PTPRD: variants seen among roughly 807,000 people sequenced by gnomAD.
The protein encoded by PTPRD is protein tyrosine phosphatase receptor type D, also known as receptor-type tyrosine-protein phosphatase delta.
PTPRD carries 34 observed loss-of-function variants against 214.5 expected under a neutral mutation model. The ratio of observed to expected loss-of-function variants is 0.16; its 90% CI spans 0.12 to 0.21. The LOEUF (loss-of-function observed/expected upper bound fraction) is 0.21. PTPRD is among the 10% of genes least tolerant of loss of function. PTPRD has a pLI of 1.00. For synonymous variants in PTPRD, 1,128 were observed against 845.7 expected, an observed-to-expected ratio of 1.33 and a Z score of -5.79; for missense variants, 2,545 against 2,398.7, an observed-to-expected ratio of 1.06 and a Z score of -1.27.
chr9:10,507,825 A>G (rs1011477010), intron 2 of PTPRD, among the ~76,000 whole-genome samples: 4 of 152,220 alleles, frequency 2.6e-5, no homozygotes, highest in African/African-American at 4.8e-5. Context: ...CTTAAATGTT[A>G]GACCTAAAAC....
intron 3 of PTPRD, among the ~76,000 whole-genome samples, chr9:10,188,122 A>C (rs1274613347): frequency 6.6e-6 from 1 of 152,146 alleles, no homozygotes; most frequent in African/African-American, 2.4e-5. Flanking sequence ...TTTCATGCTA[A>C]AGTCATTTCA....
chr9:9,568,507 CTCT>C (rs2085305977), intron 8 of PTPRD, among the ~76,000 whole-genome samples: 1 of 151,846 alleles, frequency 6.6e-6, no homozygotes, highest in Non-Finnish European at 1.5e-5. Flanking sequence ...AAAATATGGA[CTCT>C]TATTTCCAGC....
At chr9:9,125,450 C>T (rs1364721966) in intron 10 of PTPRD, among the ~76,000 whole-genome samples, 2 of 152,108 alleles carry the variant, frequency 1.3e-5, no homozygotes, top group Non-Finnish European at 2.9e-5. Flanking sequence ...CCCACAGTAC[C>T]TGTGCTTACC....
intron 39 of PTPRD, among the ~76,000 whole-genome samples, chr9:8,348,934 T>C (rs866370113): frequency 2.6e-5 from 4 of 152,170 alleles, no homozygotes; most frequent in Admixed American, 6.6e-5. Context: ...TTATTATCCT[T>C]ATGCCAGTTG....
chr9:10,537,177 C>T (rs2058021099), intron 2 of PTPRD, among the ~76,000 whole-genome samples: 1 of 152,058 alleles, frequency 6.6e-6, no homozygotes. Context: ...TAAATTAGGT[C>T]ATATAGTTTA....
chr9:9,508,349 T>C (rs2096619323), intron 8 of PTPRD, among the ~76,000 whole-genome samples: 1 of 151,320 alleles, frequency 6.6e-6, no homozygotes, highest in Non-Finnish European at 1.5e-5. Flanking sequence ...ACGCGTTGTT[T>C]CTTCTACTTT....
At chr9:9,772,815 G>C (rs1416281466) in intron 5 of PTPRD, among the ~76,000 whole-genome samples, 1 of 152,106 alleles carries the variant, frequency 6.6e-6, no homozygotes, top group Non-Finnish European at 1.5e-5. Flanking sequence ...TTACAAGCTT[G>C]CATCAAAGTC....
At chr9:9,883,883 T>C (rs777222523) in intron 5 of PTPRD, among the ~76,000 whole-genome samples, 3 of 152,096 alleles carry the variant, frequency 2.0e-5, no homozygotes, top group Admixed American at 6.6e-5. Flanking sequence ...GCAGAAATAA[T>C]GTTCAATGAA....
intron 11 of PTPRD, among the ~76,000 whole-genome samples, chr9:8,785,435 C>T (rs16928446): frequency 0.012 from 1,879 of 152,276 alleles, 50 homozygotes; most frequent in African/African-American, 0.043. Context: ...ATGGTTCTGT[C>T]CAAACCACAA....
At chr9:9,326,707 T>C (rs772517499) in intron 9 of PTPRD, among the ~76,000 whole-genome samples, 10 of 149,990 alleles carry the variant, frequency 6.7e-5, no homozygotes, top group Non-Finnish European at 1.5e-4. Flanking sequence ...AACTAGAAAA[T>C]AAATGTCAGG....
At chr9:10,399,178 G>T (rs2098228043) in intron 2 of PTPRD, among the ~76,000 whole-genome samples, 1 of 152,004 alleles carries the variant, frequency 6.6e-6, no homozygotes, top group Admixed American at 6.6e-5. Context: ...TGTGCAGGAA[G>T]AAACTGAAAG....
chr9:9,701,600 G>A (rs896587671), intron 7 of PTPRD, among the ~76,000 whole-genome samples: 7 of 152,176 alleles, frequency 4.6e-5, no homozygotes, highest in African/African-American at 1.7e-4. Flanking sequence ...AATGGTAGAG[G>A]TGGGGATGGC....
intron 11 of PTPRD, among the ~76,000 whole-genome samples, chr9:8,866,541 A>C (rs1475614849): frequency 1.3e-5 from 2 of 152,184 alleles, no homozygotes; most frequent in African/African-American, 4.8e-5. Context: ...GTGGTTCATG[A>C]TTAAGTACGT....
At chr9:9,117,596 T>A (rs545589127) in intron 10 of PTPRD, among the ~76,000 whole-genome samples, 2 of 152,306 alleles carry the variant, frequency 1.3e-5, no homozygotes, top group South Asian at 4.1e-4. Context: ...TTTATCTTTG[T>A]ACATGCCAAG....
intron 7 of PTPRD, among the ~76,000 whole-genome samples, chr9:9,584,779 T>G (rs748698339): frequency 6.6e-6 from 1 of 151,970 alleles, no homozygotes; most frequent in Non-Finnish European, 1.5e-5. Context: ...CTCCCCTTTA[T>G]CTTTATTTTC....
chr9:8,634,530 G>T (rs2096366918), intron 13 of PTPRD, among the ~76,000 whole-genome samples: 1 of 151,946 alleles, frequency 6.6e-6, no homozygotes, highest in Non-Finnish European at 1.5e-5. Flanking sequence ...CAATCTTTGT[G>T]CATTCCATTT....
At chr9:8,421,133 G>A (rs1333353356) in intron 35 of PTPRD, among the ~76,000 whole-genome samples, 2 of 152,144 alleles carry the variant, frequency 1.3e-5, no homozygotes, top group African/African-American at 2.4e-5. Context: ...GCTTATTCAT[G>A]ACTTGATAAA....
intron 2 of PTPRD, among the ~76,000 whole-genome samples, chr9:10,404,294 C>T (rs1029768876): frequency 6.6e-6 from 1 of 151,786 alleles, no homozygotes; most frequent in Non-Finnish European, 1.5e-5. Flanking sequence ...AAAGCCTCTG[C>T]ATTTTCTTTG....
chr9:8,331,062 T>TA (rs1840161706), intron 44 of PTPRD, among the ~76,000 whole-genome samples: 2 of 143,594 alleles, frequency 1.4e-5, no homozygotes, highest in African/African-American at 2.8e-5. Flanking sequence ...CTATTGAAAA[T>TA]AATTAACTTG....
Sources: allele counts gnomAD v4.1 joint callset (sites outside exome capture counted in the v4.1 genomes callset), GRCh38; gene constraint gnomAD v4.1.1; transcripts MANE v1.5; gene names NCBI Gene and HGNC (gene_info 2026-07-23, HGNC 2026-07-21).